Variants in KRT40 observed in about 807,000 individuals in gnomAD.
KRT40 encodes the protein keratin 40, also known as keratin, type I cytoskeletal 40.
In KRT40, 47 loss-of-function variants were observed where a neutral mutation model predicts 43.5. The ratio of observed to expected loss-of-function variants is 1.08; its 90% CI spans 0.86 to 1.38. The LOEUF (loss-of-function observed/expected upper bound fraction) is 1.38, where lower values mean the gene tolerates loss of function less well. Ranked by LOEUF, KRT40 falls within the 40% of genes most tolerant of loss-of-function variation. The probability of loss-of-function intolerance (pLI) is 0.00; values close to 1 mark genes in which losing one functional copy is unlikely to be tolerated. For missense variants in KRT40, 573 were observed against 523.6 expected (o/e 1.09, Z -0.92); for synonymous variants, 212 against 214.0 (o/e 0.99, Z 0.08).
chr17:40,985,165 T>A (rs372446193), upstream of KRT40, among the ~76,000 whole-genome samples: 49 of 152,338 alleles, frequency 3.2e-4, no homozygotes, highest in East Asian at 6.2e-3. Context: ...CCCACAGGAA[T>A]CTTTTCTTCT....
At chr17:40,983,550 C>T (rs1165123876) in intron 1 of KRT40, among the ~76,000 whole-genome samples, 1 of 152,050 alleles carries the variant, frequency 6.6e-6, no homozygotes, top group East Asian at 1.9e-4. Flanking sequence ...CGTACAAAAG[C>T]GATTTTGGAT....
At chr17:40,979,308 G>T (rs1389306870) in intron 5 of KRT40, among the ~76,000 whole-genome samples, 1 of 152,152 alleles carries the variant, frequency 6.6e-6, no homozygotes, top group African/African-American at 2.4e-5. Flanking sequence ...AAGGTCAGAA[G>T]ATCGAGACCA....
chr17:40,981,130 G>C lies in KRT40; in HGVS notation c.709C>G (p.Gln237Glu). The C allele has an allele frequency of 6.2e-7, 1 of 1,614,010 alleles. No homozygotes were observed. The highest frequency in any genetic ancestry group is 2.2e-5 in the East Asian group (1 of 44,882). ...TCCACACTGAGGCGGTCGCCAAGCT[G>C]TTCACGAAGCAAGTTGACTTCCTGA... The part of the protein sequence containing the change: ...HEEEVNLLRE[Q>E]LGDRLSVELD... Residue 237 changes from glutamine (Q) to glutamate (E), a missense_variant, in exon 4 of 7, where the codon CAG becomes GAG. Physicochemically the swap from Gln to Glu is conservative, Grantham distance 29. Transcript: ENST00000377755.
At chr17:40,987,134 G>GC (rs1295025181), upstream of KRT40, 6 of 152,376 alleles carry the variant, frequency 3.9e-5, no homozygotes, top group African/African-American at 1.4e-4. Flanking sequence ...CTCTGCTATA[G>GC]CAGTTGTCTT....
At chr17:40,983,774 T>G (rs1257638391) in intron 1 of KRT40, 53 bp downstream of exon 1, 1 of 1,556,670 alleles carries the variant, frequency 6.4e-7, no homozygotes, top group African/African-American at 1.4e-5. Context: ...AGTAGAAAGA[T>G]AAAGCAAACC....
At chr17:40,984,399 T>A (rs1172065663), upstream of KRT40, 1 of 669,376 alleles carries the variant, frequency 1.5e-6, no homozygotes, top group East Asian at 2.7e-5. Flanking sequence ...GATGTTTTCT[T>A]TATCACTGAT....
Position 40,981,752 on chromosome 17 carries a change from G to A in KRT40, c.687+555C>T, listed in dbSNP as rs577758572. 5.9e-5 allele frequency among the ~76,000 whole-genome samples: 9 copies of A among 152,310 alleles called. No homozygotes were observed. In the South Asian group the frequency reaches 1.7e-3, roughly 28 times the overall value. ...GAAGTTACCTCCTCCACAAAGGCAA[G>A]GGCAGGAGAAGAGTTTGATTCCTTC... is the stretch of plus-strand genomic sequence containing the variant. On this transcript the variant is annotated intron_variant, in intron 3 of 6. Transcript: ENST00000377755.
Position 40,983,029 on chromosome 17 carries a change from A to ATTAAATTAT in KRT40, c.530+16_530+17insATAATTTAA. ...ATCTCAAAATAAATAAATAAAATAA[A>ATTAAATTAT]ATTAAATTAAACTTACTTTGACTTA... is the stretch of plus-strand genomic sequence containing the variant. On this transcript the variant is annotated intron_variant, in intron 2 of 6. Coordinates refer to ENST00000377755, the MANE Select transcript of KRT40 (RefSeq NM_001389244.1). 1 of 1,043,378 alleles carries ATTAAATTAT rather than the reference A, an allele frequency of 9.6e-7. No individual in the cohort carries two copies. Among genetic ancestry groups the ATTAAATTAT allele is most frequent in the Non-Finnish European group, 1.5e-6 (1 of 679,602 alleles). The allele number at this position is 1,043,378 out of a possible 1,614,324, so 64.6% of individuals were successfully genotyped here.
chr17:40,981,356 TC>T, intron 3 of KRT40: 1 of 957,288 alleles, frequency 1.0e-6, no homozygotes, highest in Non-Finnish European at 1.6e-6. Flanking sequence ...TGGACATTTT[TC>T]CAGAAAGTTA....
In KRT40 at chr17:40,982,329, C is replaced by G. The variant is rs1477567698; in HGVS notation, c.665G>C (p.Cys222Ser). 4 of 1,593,250 alleles carry G rather than the reference C, an allele frequency of 2.5e-6. No homozygotes were observed. The highest frequency in any genetic ancestry group is 3.4e-6 in the Non-Finnish European group (4 of 1,171,608). ...TACCTCTTCATGGTTTTTCTTAAGGCAAAGGAGATCTTCCTTCAGAGACTC... is the reference window on the plus strand; with the variant it reads ...TACCTCTTCATGGTTTTTCTTAAGGGAAAGGAGATCTTCCTTCAGAGACTC... ...HVESLKEDLL[C>S]LKKNHEEEVN... Residue 222 changes from cysteine to serine, a missense_variant, in exon 3 of 7, where the codon TGC becomes TCC. By Grantham distance (112) the Cys-to-Ser change is moderately radical (BLOSUM62 -1). Transcript: ENST00000377755.
At chr17:40,979,838 G>A (rs1411277868) in intron 5 of KRT40, among the ~76,000 whole-genome samples, 1 of 152,122 alleles carries the variant, frequency 6.6e-6, no homozygotes, top group African/African-American at 2.4e-5. Flanking sequence ...CAGCAGAGAA[G>A]TGTGACTACA....
At position 40,980,977 on chromosome 17, in the gene KRT40, T is replaced by C; in HGVS notation, c.849+13A>G. On this transcript the variant is annotated intron_variant, in intron 4 of 6. Transcript: ENST00000377755. ...GTCTGTAAGCCTGACATTTTTTCAA[T>C]CTGGGTACTGACCTGAACAGCCAAC... 1 of 1,614,180 alleles carries C rather than the reference T, an allele frequency of 6.2e-7. No homozygotes were observed. Among genetic ancestry groups the C allele is most frequent in the Non-Finnish European group, 8.5e-7 (1 of 1,180,032 alleles).
In KRT40 at chr17:40,984,247, G is replaced by A; in HGVS notation, c.27C>T (p.His9=). The part of the protein sequence containing the change: MTSDCSST[H]CSPESCGTAS... ...CCGTGCCACAGGACTCAGGAGAGCA[G>A]TGTGTGGAGGAGCAGTCAGAAGTCA... is the stretch of plus-strand genomic sequence containing the variant. Residue 9 remains histidine, a synonymous_variant, in exon 1 of 7, where the codon CAC becomes CAT. Transcript: ENST00000377755. 1.2e-6 allele frequency: 2 copies of A among 1,612,274 alleles called. No homozygotes were observed. The highest frequency in any genetic ancestry group is 1.3e-5 in the African/African-American group (1 of 75,000).
In KRT40 at chr17:40,978,020, A is replaced by T. The variant is rs925296788; in HGVS notation, c.*177T>A. The T allele has an allele frequency of 1.2e-5, 7 of 566,674 alleles. No homozygotes were observed. The highest frequency in any genetic ancestry group is 2.2e-5 in the Non-Finnish European group (7 of 317,548). 35.1% of individuals were successfully genotyped at this position (566,674 alleles called of 1,614,324 possible). On this transcript the variant is annotated 3_prime_UTR_variant, in exon 7 of 7. Coordinates refer to ENST00000377755, the MANE Select transcript of KRT40 (RefSeq NM_001389244.1). ...CTTTATGGGCTTCCAGTATACCACA[A>T]ATAAGCCGGAAGGAGAGGAAATAGT...
At chr17:40,985,644 T>C (rs550519516), upstream of KRT40, among the ~76,000 whole-genome samples, 1 of 152,272 alleles carries the variant, frequency 6.6e-6, no homozygotes, top group Admixed American at 6.5e-5. Flanking sequence ...TAAAATAGTC[T>C]CTTAGGATTT....
At chr17:40,979,942 G>T (rs1308798409) in intron 5 of KRT40, among the ~76,000 whole-genome samples, 1 of 152,148 alleles carries the variant, frequency 6.6e-6, no homozygotes, top group Non-Finnish European at 1.5e-5. Context: ...TGAGGTGATG[G>T]ATGCTCTAAA....
At position 40,984,291 on chromosome 17, in the gene KRT40, C is replaced by T; in HGVS notation, c.-18G>A. The T allele has an allele frequency of 1.3e-6, 2 of 1,575,846 alleles. No homozygotes were observed. Among genetic ancestry groups the T allele is most frequent in the Non-Finnish European group, 1.7e-6 (2 of 1,154,930 alleles). Reference sequence around the variant, plus strand: ...GAAGTCATCCTTCCAGAAGCAAAGACAGAGACTGGCTGCAAAACTTCAGTT... The same window carrying T: ...GAAGTCATCCTTCCAGAAGCAAAGATAGAGACTGGCTGCAAAACTTCAGTT... On this transcript the variant is annotated 5_prime_UTR_variant, in exon 1 of 7. Coordinates refer to ENST00000377755, the MANE Select transcript of KRT40 (RefSeq NM_001389244.1).
chr17:40,983,316 A>C (rs1010921378), intron 1 of KRT40, among the ~76,000 whole-genome samples, 188 bp from the exon 2 acceptor site: 1 of 152,200 alleles, frequency 6.6e-6, no homozygotes, highest in Admixed American at 6.5e-5. Flanking sequence ...ATTTAGAAAC[A>C]AAATAATGAA....
In KRT40 at chr17:40,984,257, G is replaced by A. The variant is rs199793877; in HGVS notation, c.17C>T (p.Ser6Phe). ...GGACTCAGGAGAGCAGTGTGTGGAG[G>A]AGCAGTCAGAAGTCATCCTTCCAGA... MTSDC[S>F]STHCSPESCG... is the part of the protein sequence containing the mutation. The change falls in exon 1 of 7, where the codon TCC becomes TTC. Residue 6 changes from serine (S) to phenylalanine (F), a missense_variant. Coordinates refer to ENST00000377755, the MANE Select transcript of KRT40 (RefSeq NM_001389244.1). 2.1e-4 allele frequency: 344 copies of A among 1,609,504 alleles called. No individual in the cohort carries two copies. The highest frequency in any genetic ancestry group is 5.0e-4 in the Middle Eastern group (3 of 6,038).
Sources: gnomAD v4.1 joint callset for allele counts (sites outside exome capture counted in the v4.1 genomes callset) on GRCh38, gnomAD v4.1.1 for gene constraint, MANE v1.5 for transcripts, NCBI Gene and HGNC (gene_info 2026-07-23, HGNC 2026-07-21) for gene names.